The following RNF40 variants were observed in gnomAD, a reference collection of about 807,000 sequenced individuals.
RNF40 encodes the protein ring finger protein 40.
A neutral mutation model predicts 123.3 loss-of-function variants in RNF40; 39 were observed. That is an observed-to-expected ratio of 0.32 (90% CI 0.24 to 0.41). The LOEUF (loss-of-function observed/expected upper bound fraction) is 0.41, where lower values mean the gene tolerates loss of function less well. RNF40 is among the 10% of genes least tolerant of loss of function. The pLI, the probability that RNF40 is intolerant of heterozygous loss-of-function variation, is 1.00. For synonymous variants in RNF40, 538 were observed against 526.0 expected, an observed-to-expected ratio of 1.02 and a Z score of -0.31; for missense variants, 1,003 against 1,319.9, an observed-to-expected ratio of 0.76 and a Z score of 3.72.
At chr16:30,764,147 T>C in intron 4 of RNF40, 32 bp from the exon 5 acceptor site, 1 of 1,574,130 alleles carries the variant, frequency 6.4e-7, no homozygotes, top group Non-Finnish European at 8.7e-7. Context: ...CTGCTGCTCT[T>C]ATCCTCATGA....
intron 3 of RNF40, 35 bp downstream of exon 3, chr16:30,763,320 A>G: frequency 6.2e-7 from 1 of 1,611,212 alleles, no homozygotes; most frequent in Middle Eastern, 1.7e-4. Context: ...CCAGGCCTTG[A>G]TTCAGCTGCC....
At chr16:30,772,249 T>G in intron 19 of RNF40, 59 bp downstream of exon 19, 1 of 1,363,400 alleles carries the variant, frequency 7.3e-7, no homozygotes, top group Non-Finnish European at 1.0e-6. Context: ...GCAGGATTGC[T>G]GAGACTAGTG....
Position 30,766,712 on chromosome 16 carries a change from G to C in RNF40, c.1294-29G>C. ...AGTCCTGAGGTGGGACCGAGGGGCTGTGTGGGTCCTTAACACATCAACCCA... is the reference window on the plus strand; with the variant it reads ...AGTCCTGAGGTGGGACCGAGGGGCTCTGTGGGTCCTTAACACATCAACCCA... On this transcript the variant is annotated intron_variant, in intron 10 of 19. Transcript: ENST00000324685. The surrounding 1 kb of genome is among the most constrained non-coding windows in gnomAD (Gnocchi z 5.4). 1 of 1,613,536 alleles carries C rather than the reference G, an allele frequency of 6.2e-7. No individual in the cohort carries two copies. Among genetic ancestry groups the C allele is most frequent in the East Asian group, 2.2e-5 (1 of 44,884 alleles).
At chr16:30,763,092 G>A (rs1293259721) in intron 2 of RNF40, 26 bp from the exon 3 acceptor site, 8 of 1,612,298 alleles carry the variant, frequency 5.0e-6, no homozygotes, top group Admixed American at 1.7e-5. Context: ...TGACGCTCTC[G>A]TCGGCCCCTT....
At position 30,763,482 on chromosome 16, in the gene RNF40, C is replaced by G; in HGVS notation, c.365C>G (p.Pro122Arg). 6.2e-7 allele frequency: 1 copy of G among 1,613,804 alleles called. No homozygotes were observed. Among genetic ancestry groups the G allele is most frequent in the Non-Finnish European group, 8.5e-7 (1 of 1,179,884 alleles). ...AGCCAGGGGGAGCTGTCTTCAGCGC[C>G]TGAGGCACCTGGGACCCAGGAGGGG... ...HESQGELSSA[P>R]EAPGTQEGPT... The change falls in exon 4 of 20, where the codon CCT becomes CGT. Residue 122 changes from proline to arginine, a missense_variant. Physicochemically the swap from Pro to Arg is moderately radical, Grantham distance 103 (BLOSUM62 -2). Around this residue, in one of 11 missense-constraint regions of RNF40, gnomAD observed 104 missense variants for 85.2 expected, o/e 1.22. Coordinates refer to ENST00000324685, the MANE Select transcript of RNF40 (RefSeq NM_014771.4).
At position 30,768,182 on chromosome 16, in the gene RNF40, C is replaced by G. The variant is rs145317847; in HGVS notation, c.1631C>G (p.Ala544Gly). ...GAGGATTCTGGCGTCAGTGCCCCAGCCCCAGGGAAAGAGGAGGGTGGGCCA... is the reference window on the plus strand; with the variant it reads ...GAGGATTCTGGCGTCAGTGCCCCAGGCCCAGGGAAAGAGGAGGGTGGGCCA... ...HPEDSGVSAP[A>G]PGKEEGGPGP... The change falls in exon 13 of 20, where the codon GCC becomes GGC. Residue 544 changes from alanine to glycine, a missense_variant. By Grantham distance (60) the Ala-to-Gly change is moderately conservative. Coordinates refer to ENST00000324685, the MANE Select transcript of RNF40 (RefSeq NM_014771.4). This position sits in a 1 kb window ranked among gnomAD's most constrained non-coding sequence, Gnocchi z 4.1. The G allele has an allele frequency of 6.2e-7, 1 of 1,612,684 alleles. No homozygotes were observed. The highest frequency in any genetic ancestry group is 1.7e-5 in the Admixed American group (1 of 59,858).
At chr16:30,761,956 GAAGGCGGA>G, upstream of RNF40, 1 of 588,274 alleles carries the variant, frequency 1.7e-6, no homozygotes. Flanking sequence ...GTGAGGGAAG[GAAGGCGGA>G]AAGCGCAGGC....
Position 30,769,496 on chromosome 16 carries a change from G to A in RNF40, c.2482G>A (p.Val828Met). Residue 828 changes from valine (V) to methionine (M), a missense_variant, in exon 17 of 20, where the codon GTG (valine) becomes ATG (methionine). Around this residue, in one of 11 missense-constraint regions of RNF40, gnomAD observed 121 missense variants for 125.3 expected, o/e 0.97. Coordinates refer to ENST00000324685, the MANE Select transcript of RNF40 (RefSeq NM_014771.4). ...KSQVDAQLLT[V>M]QKLEEKERAL... ...TTAGGTGGATGCCCAGCTGCTGACT[G>A]TGCAGAAGCTAGAGGAGAAGGAGCG... 6.2e-6 allele frequency: 10 copies of A among 1,613,932 alleles called. No homozygotes were observed. The highest frequency in any genetic ancestry group is 7.6e-6 in the Non-Finnish European group (9 of 1,179,868).
chr16:30,768,610 T>C lies in RNF40; in HGVS notation c.1980-9T>C. ...CTCACTAAGACTTCCTCCTGTACCTTCTTGCCAGGAAGGCCCAGGAGAGCC... is the reference window on the plus strand; with the variant it reads ...CTCACTAAGACTTCCTCCTGTACCTCCTTGCCAGGAAGGCCCAGGAGAGCC... On this transcript the variant is annotated splice_polypyrimidine_tract_variant and intron_variant, in intron 13 of 19. Coordinates refer to ENST00000324685, the MANE Select transcript of RNF40 (RefSeq NM_014771.4). The surrounding 1 kb of genome is among the most constrained non-coding windows in gnomAD (Gnocchi z 4.1). 1 of 1,614,110 alleles carries C rather than the reference T, an allele frequency of 6.2e-7. No individual in the cohort carries two copies. The highest frequency in any genetic ancestry group is 8.5e-7 in the Non-Finnish European group (1 of 1,179,996).
chr16:30,762,844 C>T (rs143099303), intron 2 of RNF40, 167 bp downstream of exon 2: 6 of 919,668 alleles, frequency 6.5e-6, no homozygotes, highest in South Asian at 6.4e-5. Flanking sequence ...CGCCTGTCTT[C>T]CCTTTACAGA....
chr16:30,772,283 A>G (rs1384510577), intron 19 of RNF40, 93 bp downstream of exon 19: 2 of 1,011,856 alleles, frequency 2.0e-6, no homozygotes, highest in South Asian at 2.7e-5. Context: ...CCCTGGAAGT[A>G]ATGTAGGGCA....
intron 17 of RNF40, among the ~76,000 whole-genome samples, chr16:30,770,433 A>G (rs1238908235): frequency 1.3e-5 from 2 of 151,978 alleles, no homozygotes; most frequent in East Asian, 3.9e-4. Flanking sequence ...GCCTCGTTTT[A>G]TAAATAAGGA....
At chr16:30,771,741 G>T in intron 17 of RNF40, 92 bp from the exon 18 acceptor site, 2 of 1,412,294 alleles carry the variant, frequency 1.4e-6, no homozygotes, top group Non-Finnish European at 1.9e-6. Context: ...GTGTCACTGG[G>T]GCCCTGGACA....
chr16:30,771,316 A>G (rs1405561135), intron 17 of RNF40, among the ~76,000 whole-genome samples: 1 of 152,020 alleles, frequency 6.6e-6, no homozygotes, highest in Non-Finnish European at 1.5e-5. Flanking sequence ...GCCTTGTGAA[A>G]GCTCAAAAAC....
chr16:30,774,876 C>T lies in RNF40; in HGVS notation c.*762C>T. Reference sequence around the variant, plus strand: ...CCAAGGCTCTACTGGGTCCCTGGACCTAACCCTGCTTTCATCCTGGTGGCC... The same window carrying T: ...CCAAGGCTCTACTGGGTCCCTGGACTTAACCCTGCTTTCATCCTGGTGGCC... On this transcript the variant is annotated 3_prime_UTR_variant, in exon 20 of 20. Transcript: ENST00000324685. 1 of 447,936 alleles carries T rather than the reference C, an allele frequency of 2.2e-6. No individual in the cohort carries two copies. Among genetic ancestry groups the T allele is most frequent in the African/African-American group, 2.0e-5 (1 of 50,154 alleles). The allele number at this position is 447,936 out of a possible 1,614,324, so 27.7% of individuals were successfully genotyped here.
rs1363911055 is a variant in RNF40, at chr16:30,771,836, G to C, written c.2590G>C (p.Val864Leu). The change falls in exon 18 of 20, where the codon GTA (valine) becomes CTA (leucine). Residue 864 changes from valine to leucine, a missense_variant. Val to Leu is a conservative substitution (Grantham distance 32). Transcript: ENST00000324685. ...QALELNKRKA[V>L]EAAQLAEDLK... ...CTTCCTGTTCCACCCTACTCAGGCT[G>C]TAGAAGCCGCCCAGCTGGCCGAGGA... 6.3e-7 allele frequency: 1 copy of C among 1,577,332 alleles called. No homozygotes were observed. Among genetic ancestry groups the C allele is most frequent in the Non-Finnish European group, 8.6e-7 (1 of 1,161,234 alleles).
chr16:30,763,258 C>T lies in RNF40; in HGVS notation c.273C>T (p.Leu91=), dbSNP rs745374903. The part of the protein sequence containing the change: ...EKRQATDDAT[L]LIVNRYWAQL... ...GGCAGGCCACAGATGATGCCACACT[C>T]CTCATCGTCAATCGCTACTGGGCCC... The change falls in exon 3 of 20, where the codon CTC becomes CTT. Residue 91 remains leucine (L), a synonymous_variant. Coordinates refer to ENST00000324685, the MANE Select transcript of RNF40 (RefSeq NM_014771.4). 33 of 1,614,172 alleles carry T rather than the reference C, an allele frequency of 2.0e-5. 1 individual carries two copies. The South Asian group carries it at 3.4e-4, about 17-fold the overall frequency.
chr16:30,766,517 G>C lies in RNF40; in HGVS notation c.1252G>C (p.Ala418Pro), dbSNP rs377042428. The change falls in exon 10 of 20, where the codon GCC becomes CCC. Residue 418 changes from alanine (A) to proline (P), a missense_variant. Physicochemically the swap from Ala to Pro is conservative, Grantham distance 27 (BLOSUM62 -1). Transcript: ENST00000324685. The surrounding 1 kb of genome is among the most constrained non-coding windows in gnomAD (Gnocchi z 5.4). ...AGACGAGGCTCGGGGCCTGCTGCTG[G>C]CCACAAAGAACTCCCACCTGCGACA... is the stretch of plus-strand genomic sequence containing the variant. ...QLDEARGLLL[A>P]TKNSHLRHIE... 1 of 1,613,024 alleles carries C rather than the reference G, an allele frequency of 6.2e-7. No individual in the cohort carries two copies.
intron 5 of RNF40, 82 bp downstream of exon 5, chr16:30,764,467 C>T: frequency 3.9e-6 from 5 of 1,279,928 alleles, no homozygotes; most frequent in Non-Finnish European, 5.5e-6. Flanking sequence ...CCCCTAATGC[C>T]CGAGTCCAAG....
Sources: gnomAD v4.1 joint callset for allele counts (sites outside exome capture counted in the v4.1 genomes callset) on GRCh38, gnomAD v4.1.1 for gene constraint, gnomAD v4.1.1 regional missense constraint, Gnocchi (gnomAD v3.1) non-coding constraint, MANE v1.5 for transcripts, NCBI Gene and HGNC (gene_info 2026-07-23, HGNC 2026-07-21) for gene names.